Variants in TASP1 observed in about 807,000 individuals in gnomAD.
TASP1 encodes taspase 1, also known as threonine aspartase 1.
TASP1 carries 16 observed loss-of-function variants against 56.6 expected under a neutral mutation model. That is an observed-to-expected ratio of 0.28 (90% CI 0.19 to 0.43). TASP1 has a LOEUF of 0.43. Among genes scored for constraint, TASP1 ranks in the 20% least tolerant of loss-of-function variants. The pLI, the probability that TASP1 is intolerant of heterozygous loss-of-function variation, is 1.00. For missense variants in TASP1, 393 were observed against 511.6 expected (o/e 0.77, Z 2.24); for synonymous variants, 179 against 184.2 (o/e 0.97, Z 0.23).
intron 8 of TASP1, among the ~76,000 whole-genome samples, chr20:13,550,147 TAC>T (rs149572327): frequency 0.025 from 3,329 of 135,270 alleles, 56 homozygotes; most frequent in East Asian, 0.085. Context: ...TATATACACA[TAC>T]ACACACACAC....
the TASP1 span, among the ~76,000 whole-genome samples, chr20:13,343,180 C>T: frequency 6.6e-6 from 1 of 152,150 alleles, no homozygotes; most frequent in African/African-American, 2.4e-5. Context: ...GAAATTCCTC[C>T]TACAATTCTC....
At chr20:13,606,954 A>G (rs1232547833) in intron 4 of TASP1, among the ~76,000 whole-genome samples, 1 of 152,178 alleles carries the variant, frequency 6.6e-6, no homozygotes, top group African/African-American at 2.4e-5. Context: ...AAACAGAGTA[A>G]TTATTGTGAG....
the TASP1 span, among the ~76,000 whole-genome samples, chr20:13,135,361 A>G: frequency 1.1e-3 from 173 of 152,310 alleles, no homozygotes; most frequent in Non-Finnish European, 2.0e-3. Flanking sequence ...AACTCATGCT[A>G]TAACAGTCAC....
chr20:13,391,837 A>G (rs1046562935), intron 13 of TASP1, among the ~76,000 whole-genome samples: 5 of 151,830 alleles, frequency 3.3e-5, no homozygotes, highest in African/African-American at 1.2e-4. Context: ...GCGTGGTGGC[A>G]GGCGCCTGTA....
the TASP1 span, among the ~76,000 whole-genome samples, chr20:13,217,399 T>C: frequency 5.3e-3 from 806 of 152,338 alleles, 1 homozygote; most frequent in Middle Eastern, 0.041. Flanking sequence ...CTTTGCTATG[T>C]TGTACCACTC....
the TASP1 span, among the ~76,000 whole-genome samples, chr20:13,146,433 TA>T: frequency 1.3e-5 from 2 of 151,892 alleles, no homozygotes; most frequent in Non-Finnish European, 2.9e-5. Flanking sequence ...AAATTAAAAT[TA>T]AAAAAAAGAA....
At chr20:13,511,648 T>C (rs538565843) in intron 10 of TASP1, among the ~76,000 whole-genome samples, 4 of 152,104 alleles carry the variant, frequency 2.6e-5, no homozygotes, top group Middle Eastern at 3.4e-3. Flanking sequence ...ATGTGCACAA[T>C]GTACAGGTTT....
the TASP1 span, among the ~76,000 whole-genome samples, chr20:13,322,944 G>A: frequency 2.0e-5 from 3 of 152,102 alleles, no homozygotes; most frequent in East Asian, 1.9e-4. Context: ...AAAATCCTGG[G>A]TTAAAAAGAG....
chr20:13,241,241 C>T, the TASP1 span, among the ~76,000 whole-genome samples: 2 of 152,024 alleles, frequency 1.3e-5, no homozygotes, highest in Non-Finnish European at 2.9e-5. Flanking sequence ...GGTAAAGGAA[C>T]AAATGGAAGG....
the TASP1 span, among the ~76,000 whole-genome samples, chr20:13,376,320 A>G: frequency 6.6e-6 from 1 of 152,186 alleles, no homozygotes; most frequent in African/African-American, 2.4e-5. Context: ...AACACCATTT[A>G]TTAAATAGGG....
intron 9 of TASP1, 64 bp from the exon 10 acceptor site, chr20:13,528,575 C>T (rs532671589): frequency 6.1e-5 from 85 of 1,383,492 alleles, no homozygotes; most frequent in Non-Finnish European, 8.0e-5. Context: ...TAGTTTTCAA[C>T]AGAAATCATA....
the TASP1 span, chr20:13,159,978 T>C: frequency 6.6e-7 from 1 of 1,516,716 alleles, no homozygotes; most frequent in South Asian, 1.3e-5. Flanking sequence ...CACTTTTTTT[T>C]TTTCTTTTTT....
the TASP1 span, among the ~76,000 whole-genome samples, chr20:13,205,604 C>G: frequency 2.0e-5 from 3 of 152,172 alleles, no homozygotes; most frequent in Non-Finnish European, 4.4e-5. Flanking sequence ...AGAGAGGAGG[C>G]AAGTGCTGTC....
the TASP1 span, among the ~76,000 whole-genome samples, chr20:13,366,508 C>A: frequency 6.6e-6 from 1 of 152,152 alleles, no homozygotes; most frequent in Admixed American, 6.5e-5. Context: ...GCAGTGTTTG[C>A]ACTATTTCAG....
At chr20:13,229,466 T>A in the TASP1 span, among the ~76,000 whole-genome samples, 1 of 152,236 alleles carries the variant, frequency 6.6e-6, no homozygotes, top group Admixed American at 6.5e-5. Context: ...TTAAACTAAG[T>A]TTTTGAGATT....
At chr20:13,157,185 C>T in the TASP1 span, among the ~76,000 whole-genome samples, 1 of 151,914 alleles carries the variant, frequency 6.6e-6, no homozygotes, top group Non-Finnish European at 1.5e-5. Context: ...TGCCTGTAAT[C>T]CCAACACTTT....
the TASP1 span, among the ~76,000 whole-genome samples, chr20:13,179,957 T>C: frequency 2.6e-5 from 4 of 152,176 alleles, no homozygotes; most frequent in Non-Finnish European, 5.9e-5. Flanking sequence ...GGAGAGTTTG[T>C]AGTCTATGGA....
At chr20:13,243,976 T>C in the TASP1 span, 1 of 152,210 alleles carries the variant, frequency 6.6e-6, no homozygotes, top group South Asian at 2.1e-4. Context: ...TCAATGCTCA[T>C]GGTATTTGCA....
rs57148627 is a variant in TASP1 at position 13,599,679 on chromosome 20, T to A, written c.283-12309A>T. ...TACCCTAGAACTTAAAGTATAATTT[T>A]AAAAAAAAATCAATGTAATTCACCA... On this transcript the variant is annotated intron_variant, in intron 4 of 13. Coordinates refer to ENST00000337743, the MANE Select transcript of TASP1 (RefSeq NM_017714.3). Among the ~76,000 whole-genome samples the A allele has an allele frequency of 2.8e-3, 428 of 150,208 alleles. 2 individuals carry two copies. The highest frequency in any genetic ancestry group is 8.0e-3 in the African/African-American group (327 of 40,898).
Sources: allele counts gnomAD v4.1 joint callset (sites outside exome capture counted in the v4.1 genomes callset), GRCh38; gene constraint gnomAD v4.1.1; transcripts MANE v1.5; gene names NCBI Gene and HGNC (gene_info 2026-07-23, HGNC 2026-07-21).